Variants in KCNH1 observed in about 807,000 individuals in gnomAD.
KCNH1 encodes the protein potassium voltage-gated channel subfamily H member 1, also known as voltage-gated delayed rectifier potassium channel KCNH1.
A neutral mutation model predicts 69.2 loss-of-function variants in KCNH1; 27 were observed. The ratio of observed to expected loss-of-function variants is 0.39; its 90% CI spans 0.29 to 0.54. The LOEUF is 0.54. Ranked by LOEUF, KCNH1 falls within the 20% of genes least tolerant of loss-of-function variation. KCNH1 has a pLI of 0.68. For synonymous variants in KCNH1, 456 were observed against 487.7 expected (o/e 0.93, Z 0.86); for missense variants, 798 against 1,261.6 (o/e 0.63, Z 5.57).
intron 10 of KCNH1, among the ~76,000 whole-genome samples, chr1:210,753,362 G>A (rs907698549): frequency 2.6e-5 from 4 of 152,098 alleles, no homozygotes; most frequent in African/African-American, 9.7e-5. Context: ...CACAAATAAT[G>A]GAAAAGACAC....
chr1:210,753,648 G>A (rs1683330125), intron 10 of KCNH1, among the ~76,000 whole-genome samples: 2 of 152,158 alleles, frequency 1.3e-5, no homozygotes, highest in Admixed American at 1.3e-4. Context: ...GGGGTTGTAG[G>A]CATGGATTTT....
At chr1:211,016,587 A>G (rs1689495436) in intron 6 of KCNH1, among the ~76,000 whole-genome samples, 1 of 152,140 alleles carries the variant, frequency 6.6e-6, no homozygotes, top group Admixed American at 6.6e-5. Flanking sequence ...CTCACAGAGA[A>G]AAGTATGATT....
intron 6 of KCNH1, among the ~76,000 whole-genome samples, chr1:210,928,550 T>C (rs371613239): frequency 6.6e-5 from 10 of 152,194 alleles, no homozygotes; most frequent in African/African-American, 2.2e-4. Flanking sequence ...TCAAAACCTC[T>C]GGAATACAGC....
intron 6 of KCNH1, among the ~76,000 whole-genome samples, chr1:211,013,000 G>A (rs1213814773): frequency 6.6e-6 from 1 of 152,142 alleles, no homozygotes; most frequent in East Asian, 1.9e-4. Flanking sequence ...GAGCTACAAG[G>A]ACTGCCTATA....
chr1:210,996,155 G>A (rs1689031244), intron 6 of KCNH1, among the ~76,000 whole-genome samples: 1 of 152,158 alleles, frequency 6.6e-6, no homozygotes. Context: ...TGGGTGCACT[G>A]CATTGTGCAC....
At chr1:211,054,281 C>CA (rs200402742) in intron 5 of KCNH1, among the ~76,000 whole-genome samples, 8 of 146,380 alleles carry the variant, frequency 5.5e-5, no homozygotes, top group Non-Finnish European at 7.6e-5. Flanking sequence ...GACTCCATCT[C>CA]AAAAAAGAAA....
intron 10 of KCNH1, among the ~76,000 whole-genome samples, chr1:210,725,656 A>C: frequency 6.6e-6 from 1 of 152,204 alleles, no homozygotes; most frequent in East Asian, 1.9e-4. Context: ...TCTGCAGGGC[A>C]GCTAAGACTA....
At chr1:211,058,560 C>A (rs977293945) in intron 5 of KCNH1, among the ~76,000 whole-genome samples, 2 of 151,918 alleles carry the variant, frequency 1.3e-5, no homozygotes, top group Admixed American at 6.6e-5. Flanking sequence ...TGATATTATT[C>A]CCAAGCCTCA....
intron 9 of KCNH1, among the ~76,000 whole-genome samples, chr1:210,793,706 A>C (rs1328646893): frequency 6.6e-6 from 1 of 152,268 alleles, no homozygotes; most frequent in African/African-American, 2.4e-5. Context: ...AAAGAGCAAG[A>C]CAATGAGATG....
At chr1:210,869,526 T>C (rs114566332) in intron 7 of KCNH1, among the ~76,000 whole-genome samples, 8,621 of 143,768 alleles carry the variant, frequency 0.06, 319 homozygotes, top group Non-Finnish European at 0.089. Context: ...TGTGTGTGTG[T>C]GCTTTTAGGC....
intron 6 of KCNH1, among the ~76,000 whole-genome samples, chr1:210,968,778 A>T (rs992983635): frequency 3.9e-5 from 6 of 152,148 alleles, no homozygotes; most frequent in Admixed American, 3.9e-4. Flanking sequence ...GCCCTTTGTC[A>T]GACGAGTAGG....
At chr1:210,788,534 C>A (rs1256770486) in intron 9 of KCNH1, among the ~76,000 whole-genome samples, 5 of 152,078 alleles carry the variant, frequency 3.3e-5, no homozygotes. Flanking sequence ...GGACTGTAAA[C>A]CAATTTTTAA....
At chr1:211,071,882 T>A (rs1014102229) in intron 5 of KCNH1, among the ~76,000 whole-genome samples, 1 of 151,902 alleles carries the variant, frequency 6.6e-6, no homozygotes, top group Non-Finnish European at 1.5e-5. Context: ...TCAGAAACCA[T>A]GCAAGCAAGA....
At chr1:210,986,420 A>G (rs1474121219) in intron 6 of KCNH1, among the ~76,000 whole-genome samples, 3 of 152,168 alleles carry the variant, frequency 2.0e-5, no homozygotes, top group African/African-American at 7.2e-5. Context: ...AGTGGCTGGT[A>G]CTGGTTGTTC....
At chr1:211,064,702 C>T (rs139921990) in intron 5 of KCNH1, among the ~76,000 whole-genome samples, 141 of 152,066 alleles carry the variant, frequency 9.3e-4, no homozygotes, top group African/African-American at 1.9e-3. Flanking sequence ...GAAGCGACAA[C>T]CTACAGAATG....
chr1:211,019,455 C>A (rs997619204), intron 5 of KCNH1, among the ~76,000 whole-genome samples, 199 bp from the exon 6 acceptor site: 1 of 152,176 alleles, frequency 6.6e-6, no homozygotes, highest in African/African-American at 2.4e-5. Context: ...TTACAAATTA[C>A]TATTTGGCTG....
intron 7 of KCNH1, among the ~76,000 whole-genome samples, chr1:210,910,277 C>CAA (rs373832448): frequency 0.2 from 20,317 of 102,640 alleles, 3,372 homozygotes; most frequent in East Asian, 0.42. Flanking sequence ...CATCAAGCAC[C>CAA]AAAAAAAAAA....
chr1:211,044,762 G>A (rs57273130), intron 5 of KCNH1, among the ~76,000 whole-genome samples: 1 of 151,782 alleles, frequency 6.6e-6, no homozygotes, highest in African/African-American at 2.4e-5. Context: ...GTAGATGTCA[G>A]CATGGATGTG....
intron 7 of KCNH1, chr1:210,859,475 C>T: frequency 1.2e-6 from 2 of 1,608,750 alleles, no homozygotes; most frequent in South Asian, 2.2e-5. Flanking sequence ...AGAGCAGTCT[C>T]TTCAGCATCA....
Sources: allele counts gnomAD v4.1 joint callset (sites outside exome capture counted in the v4.1 genomes callset), GRCh38; gene constraint gnomAD v4.1.1; transcripts MANE v1.5; gene names NCBI Gene and HGNC (gene_info 2026-07-23, HGNC 2026-07-21).